Variants in PBX1 observed in about 807,000 individuals in gnomAD.
PBX1 encodes PBX homeobox 1, also known as pre-B-cell leukemia transcription factor 1.
In PBX1, 6 loss-of-function variants were observed where a neutral mutation model predicts 53.4. The ratio of observed to expected loss-of-function variants is 0.11; its 90% CI spans 0.06 to 0.22. The LOEUF is 0.22. Among genes scored for constraint, PBX1 ranks in the 10% least tolerant of loss-of-function variants. The pLI, the probability that PBX1 is intolerant of heterozygous loss-of-function variation, is 1.00. For synonymous variants in PBX1, 204 were observed against 212.3 expected (o/e 0.96, Z 0.34); for missense variants, 251 against 551.4 (o/e 0.46, Z 5.46).
chr1:164,690,173 T>C (rs1251931596), intron 2 of PBX1, among the ~76,000 whole-genome samples: 1 of 152,132 alleles, frequency 6.6e-6, no homozygotes, highest in African/African-American at 2.4e-5. Context: ...CGCTCTCCAG[T>C]GTCTGGAGGC....
chr1:164,862,114 C>T (rs568515781), intron 2 of PBX1, among the ~76,000 whole-genome samples: 2 of 152,222 alleles, frequency 1.3e-5, no homozygotes, highest in South Asian at 2.1e-4. Flanking sequence ...GAATAGACCA[C>T]AGGGAAGCAG....
intron 2 of PBX1, among the ~76,000 whole-genome samples, chr1:164,580,827 C>T (rs1395814443): frequency 6.6e-6 from 1 of 152,198 alleles, no homozygotes; most frequent in Non-Finnish European, 1.5e-5. Context: ...GATCCACCCT[C>T]CTCGACCTCC....
At chr1:164,569,067 G>C (rs1278195082) in intron 2 of PBX1, among the ~76,000 whole-genome samples, 2 of 152,156 alleles carry the variant, frequency 1.3e-5, no homozygotes, top group Non-Finnish European at 2.9e-5. Flanking sequence ...TCATTAAGTA[G>C]GTATTGGGGT....
At chr1:164,843,530 T>C (rs1671410035) in intron 8 of PBX1, among the ~76,000 whole-genome samples, 1 of 152,102 alleles carries the variant, frequency 6.6e-6, no homozygotes, top group Admixed American at 6.6e-5. Flanking sequence ...TGTGTATCTG[T>C]GTGCATATTT....
At chr1:164,834,537 G>A (rs1277172963) in intron 8 of PBX1, among the ~76,000 whole-genome samples, 1 of 151,950 alleles carries the variant, frequency 6.6e-6, no homozygotes, top group Non-Finnish European at 1.5e-5. Flanking sequence ...TAGAGACGGA[G>A]TTTCACCATG....
At chr1:164,700,516 C>G in intron 2 of PBX1, 2 of 985,292 alleles carry the variant, frequency 2.0e-6, no homozygotes, top group Non-Finnish European at 2.4e-6. Flanking sequence ...GTAGCAAATA[C>G]TAGCTGTTTA....
intron 2 of PBX1, among the ~76,000 whole-genome samples, chr1:164,740,695 A>G (rs566945431): frequency 6.6e-6 from 1 of 152,232 alleles, no homozygotes; most frequent in Admixed American, 6.5e-5. Context: ...ATGTGCATCT[A>G]TTATGTGCCA....
At chr1:164,833,499 C>T (rs184151092) in intron 8 of PBX1, among the ~76,000 whole-genome samples, 34 of 152,328 alleles carry the variant, frequency 2.2e-4, no homozygotes, top group African/African-American at 8.2e-4. Flanking sequence ...ACTCATCTTA[C>T]GTGACCTAGC....
chr1:164,652,172 C>T (rs1377579580), intron 2 of PBX1: 1 of 152,154 alleles, frequency 6.6e-6, no homozygotes, highest in Non-Finnish European at 1.5e-5. Flanking sequence ...AGTCTTCTGC[C>T]TCAGCCTCCC....
chr1:164,616,678 G>GA (rs1039217016), intron 2 of PBX1, among the ~76,000 whole-genome samples: 16 of 151,416 alleles, frequency 1.1e-4, no homozygotes, highest in Admixed American at 2.0e-4. Flanking sequence ...TCATGTGACA[G>GA]AAAAAAAAAT....
intron 6 of PBX1, chr1:164,814,762 C>CA (rs886927024): frequency 6.5e-6 from 1 of 154,496 alleles, no homozygotes; most frequent in Non-Finnish European, 1.4e-5. Flanking sequence ...AACAAACAAA[C>CA]AAAAAAACCA....
chr1:164,668,414 T>C (rs1660930389), intron 2 of PBX1, among the ~76,000 whole-genome samples: 1 of 152,166 alleles, frequency 6.6e-6, no homozygotes, highest in Admixed American at 6.5e-5. Context: ...CTCTCACCTC[T>C]CACACGCCAA....
intron 4 of PBX1, among the ~76,000 whole-genome samples, chr1:164,802,265 G>A (rs921238503): frequency 3.3e-5 from 5 of 152,208 alleles, no homozygotes; most frequent in African/African-American, 9.7e-5. Context: ...CTGTTGGTCA[G>A]GGGCCTGGGC....
At chr1:164,865,690 T>G (rs1486841431) in intron 2 of PBX1, among the ~76,000 whole-genome samples, 1 of 152,202 alleles carries the variant, frequency 6.6e-6, no homozygotes, top group Admixed American at 6.5e-5. Context: ...GAATCTGGCT[T>G]CAGAGTTGGA....
chr1:164,776,930 T>TGTGTGTA (rs1667682919), intron 2 of PBX1, among the ~76,000 whole-genome samples: 1 of 88,168 alleles, frequency 1.1e-5, no homozygotes, highest in Non-Finnish European at 2.1e-5. Flanking sequence ...TGTGTGTGTG[T>TGTGTGTA]GTGTGGTGGG....
At chr1:164,772,156 G>T (rs1003559398) in intron 2 of PBX1, among the ~76,000 whole-genome samples, 1 of 152,224 alleles carries the variant, frequency 6.6e-6, no homozygotes, top group Non-Finnish European at 1.5e-5. Context: ...AAAGATTCCT[G>T]TAGCAACAAC....
At chr1:164,727,495 C>T (rs901833472) in intron 2 of PBX1, among the ~76,000 whole-genome samples, 1 of 152,196 alleles carries the variant, frequency 6.6e-6, no homozygotes, top group Non-Finnish European at 1.5e-5. Flanking sequence ...GGTATGTCTT[C>T]TCTTTTGCCT....
At chr1:164,863,569 G>A (rs1490230048) in intron 2 of PBX1, among the ~76,000 whole-genome samples, 1 of 152,224 alleles carries the variant, frequency 6.6e-6, no homozygotes, top group Non-Finnish European at 1.5e-5. Context: ...AAAAAGATAT[G>A]TGATCCTATG....
In PBX1 at chr1:164,822,035, C is replaced by CT. The variant is rs566602513; in HGVS notation, c.1200+416dup. On this transcript the variant is annotated intron_variant, in intron 8 of 8. Transcript: ENST00000420696. ...CGTCTGTGGTCTGAAAAAAAAAATA[C>CT]TTTTTTTCAATCTGTCTATGGACGA... Among the ~76,000 whole-genome samples, 34 of 152,066 alleles carry CT rather than the reference C, an allele frequency of 2.2e-4. No individual in the cohort carries two copies. In the South Asian group the frequency reaches 7.1e-3, roughly 32 times the overall value.
Sources: gnomAD v4.1 joint callset for allele counts (sites outside exome capture counted in the v4.1 genomes callset) on GRCh38, gnomAD v4.1.1 for gene constraint, MANE v1.5 for transcripts, NCBI Gene and HGNC (gene_info 2026-07-23, HGNC 2026-07-21) for gene names.